The following GPC3 variants were observed in gnomAD, a reference collection of about 807,000 sequenced individuals.
GPC3 encodes the protein glypican 3.
In GPC3, 3 loss-of-function variants were observed where a neutral mutation model predicts 34.4. The ratio of observed to expected loss-of-function variants is 0.09; its 90% CI spans 0.04 to 0.23. The LOEUF (loss-of-function observed/expected upper bound fraction) is 0.23, where lower values mean the gene tolerates loss of function less well. Among genes scored for constraint, GPC3 ranks in the 10% least tolerant of loss-of-function variants. GPC3 has a pLI of 1.00. For missense variants in GPC3, 351 were observed against 445.6 expected (o/e 0.79, Z 1.91); for synonymous variants, 177 against 174.0 (o/e 1.02, Z -0.13).
At chrX:133,952,512 T>C (rs2076397305) in intron 2 of GPC3, among the ~76,000 whole-genome samples, 2 of 112,286 alleles carry the variant, frequency 1.8e-5, no homozygotes, top group African/African-American at 6.5e-5. Context: ...CTACCCGTTC[T>C]GGCAATGCCA....
At chrX:133,664,810 C>CAAA (rs1289642836) in intron 5 of GPC3, among the ~76,000 whole-genome samples, 1,817 of 68,652 alleles carry the variant, frequency 0.026, 67 homozygotes, top group African/African-American at 0.087. Flanking sequence ...CCGAACCACT[C>CAAA]AAAAAAAAAA....
At chrX:133,611,895 A>T (rs16993049) in intron 6 of GPC3, among the ~76,000 whole-genome samples, 6,987 of 111,903 alleles carry the variant, frequency 0.062, 572 homozygotes, top group African/African-American at 0.21. Flanking sequence ...ATGTAGTGAT[A>T]CCACAAGTTT....
At chrX:133,949,083 C>T (rs1463788502) in intron 2 of GPC3, among the ~76,000 whole-genome samples, 1 of 112,085 alleles carries the variant, frequency 8.9e-6, no homozygotes, top group Non-Finnish European at 1.9e-5. Context: ...AAAACTGAGG[C>T]TACTGGAGTC....
chrX:133,866,114 AATG>A (rs779908469), intron 2 of GPC3, among the ~76,000 whole-genome samples: 93 of 112,197 alleles, frequency 8.3e-4, no homozygotes, highest in Middle Eastern at 4.6e-3. Context: ...AGAGAAAGAA[AATG>A]ATACTTAAAT....
chrX:133,559,354 A>AG (rs147827574), intron 7 of GPC3, among the ~76,000 whole-genome samples: 38,725 of 111,056 alleles, frequency 0.35, 9,212 homozygotes, highest in African/African-American at 0.86. Context: ...AGGTGTTAGG[A>AG]GGGCAGCGAT....
At chrX:133,752,775 A>T (rs2071678918) in intron 3 of GPC3, among the ~76,000 whole-genome samples, 1 of 112,214 alleles carries the variant, frequency 8.9e-6, no homozygotes, top group African/African-American at 3.2e-5. Context: ...GAGAACATGG[A>T]TTGTTTGCCT....
intron 2 of GPC3, among the ~76,000 whole-genome samples, chrX:133,800,892 A>T (rs2075606075): frequency 8.9e-6 from 1 of 111,880 alleles, no homozygotes; most frequent in Admixed American, 9.5e-5. Context: ...GGAAAGTATT[A>T]AACAGCCATT....
chrX:133,781,354 G>A (rs1237062863), intron 2 of GPC3, among the ~76,000 whole-genome samples: 1 of 112,009 alleles, frequency 8.9e-6, no homozygotes, highest in African/African-American at 3.2e-5. Context: ...AGGCCATATG[G>A]TGACTGTCAC....
intron 2 of GPC3, among the ~76,000 whole-genome samples, chrX:133,937,890 T>G (rs2076329594): frequency 8.9e-6 from 1 of 112,052 alleles, no homozygotes; most frequent in Admixed American, 9.4e-5. Context: ...ACATAAAACA[T>G]GTTCAATTCG....
At chrX:133,920,906 C>T (rs1489781749) in intron 2 of GPC3, among the ~76,000 whole-genome samples, 1 of 112,016 alleles carries the variant, frequency 8.9e-6, no homozygotes, top group Non-Finnish European at 1.9e-5. Flanking sequence ...ATGGGTATAA[C>T]ATGATTAACT....
At chrX:133,760,653 T>C (rs1419844116) in intron 2 of GPC3, among the ~76,000 whole-genome samples, 1 of 111,375 alleles carries the variant, frequency 9.0e-6, no homozygotes, top group African/African-American at 3.3e-5. Flanking sequence ...AAGTGAAGCA[T>C]GGGATTTTAG....
intron 5 of GPC3, among the ~76,000 whole-genome samples, chrX:133,685,271 ACATCT>A (rs760282606): frequency 3.6e-5 from 4 of 111,720 alleles, no homozygotes; most frequent in African/African-American, 1.3e-4. Flanking sequence ...ATGATTTTAC[ACATCT>A]CATGAATTGG....
intron 1 of GPC3, among the ~76,000 whole-genome samples, chrX:133,966,782 T>C (rs1250069574): frequency 2.7e-5 from 3 of 112,589 alleles, no homozygotes; most frequent in Non-Finnish European, 5.6e-5. Flanking sequence ...TGCTGTGGCA[T>C]TTATGCCATC....
intron 2 of GPC3, among the ~76,000 whole-genome samples, chrX:133,876,808 A>T (rs940516991): frequency 1.8e-5 from 2 of 111,818 alleles, no homozygotes; most frequent in African/African-American, 6.5e-5. Flanking sequence ...GGAGGAAATC[A>T]CCCTTAATTG....
intron 2 of GPC3, among the ~76,000 whole-genome samples, chrX:133,943,534 C>T (rs1227312316): frequency 8.9e-6 from 1 of 112,287 alleles, no homozygotes; most frequent in African/African-American, 3.2e-5. Flanking sequence ...ACCAAACTCT[C>T]CTAGTTTTAG....
intron 7 of GPC3, among the ~76,000 whole-genome samples, chrX:133,580,390 C>T (rs1044287664): frequency 5.4e-5 from 6 of 111,827 alleles, no homozygotes; most frequent in African/African-American, 2.0e-4. Context: ...TGCATGATTT[C>T]CTCAGATACT....
intron 2 of GPC3, among the ~76,000 whole-genome samples, chrX:133,916,144 CA>C (rs774691093): frequency 6.2e-3 from 194 of 31,134 alleles, no homozygotes; most frequent in African/African-American, 0.01. Context: ...GACTCTGTCT[CA>C]AAAAAAAAAA....
chrX:133,614,888 C>G (rs1007020013), intron 6 of GPC3, among the ~76,000 whole-genome samples: 1 of 111,314 alleles, frequency 9.0e-6, no homozygotes, highest in African/African-American at 3.3e-5. Flanking sequence ...TCTTACAGAG[C>G]TATAGAGGGT....
rs1485089755 is a variant in GPC3 at position 133,844,672 on chromosome X, C to T, written c.338-90496G>A. On this transcript the variant is annotated intron_variant, in intron 2 of 7. Transcript: ENST00000370818. ...TAAACCAGAACTTATTCTTCACATT[C>T]TAAGGGAGGCAAGACTTGTTTCACA... Among the ~76,000 whole-genome samples, 3 of 111,438 alleles carry T rather than the reference C, an allele frequency of 2.7e-5. 1 individual carries two copies. The highest frequency in any genetic ancestry group is 9.7e-5 in the African/African-American group (3 of 30,780).
Sources: gnomAD v4.1 joint callset for allele counts (sites outside exome capture counted in the v4.1 genomes callset) on GRCh38, gnomAD v4.1.1 for gene constraint, MANE v1.5 for transcripts, NCBI Gene and HGNC (gene_info 2026-07-23, HGNC 2026-07-21) for gene names.